IRS1: variants seen among roughly 807,000 people sequenced by gnomAD.
IRS1 encodes the protein insulin receptor substrate 1.
In IRS1, 34 loss-of-function variants were observed where a neutral mutation model predicts 65.6. The observed-to-expected ratio is 0.52, with a 90% confidence interval of 0.39 to 0.69. The LOEUF is 0.69. Among genes scored for constraint, IRS1 ranks in the 30% least tolerant of loss-of-function variants. The pLI is 0.00. For synonymous variants in IRS1, 699 were observed against 683.5 expected (o/e 1.02, Z -0.35); for missense variants, 1,641 against 1,720.2 (o/e 0.95, Z 0.81).
At chr2:226,743,170 C>G (rs1270693303) in intron 1 of IRS1, among the ~76,000 whole-genome samples, 1 of 138,470 alleles carries the variant, frequency 7.2e-6, no homozygotes, top group Non-Finnish European at 1.6e-5. Flanking sequence ...GAAAAAAAAA[C>G]AAAAAAAAAA....
rs1938282768 is a variant in IRS1 at position 226,734,206 on chromosome 2, T to A, written c.*2066A>T. 3.3e-5 allele frequency: 5 copies of A among 152,314 alleles called. No individual in the cohort carries two copies. In the South Asian group the frequency reaches 1.0e-3, roughly 32 times the overall value. 9.4% of individuals were successfully genotyped at this position (152,314 alleles called of 1,614,324 possible). ...GTTAGTTTGACTAAGAAAGTCTTTT[T>A]TTACAAGAGTAAAAAACAACTTTCA... is the stretch of plus-strand genomic sequence containing the variant. On this transcript the variant is annotated 3_prime_UTR_variant, in exon 2 of 2. Transcript: ENST00000305123.
At chr2:226,780,591 G>C (rs1049332131) in intron 1 of IRS1, among the ~76,000 whole-genome samples, 2 of 152,124 alleles carry the variant, frequency 1.3e-5, no homozygotes, top group Non-Finnish European at 2.9e-5. Context: ...ATGAGCTACT[G>C]TTGGAAGCAC....
chr2:226,791,237 G>A (rs1048298768), intron 1 of IRS1, among the ~76,000 whole-genome samples: 1 of 152,114 alleles, frequency 6.6e-6, no homozygotes, highest in Non-Finnish European at 1.5e-5. Flanking sequence ...TTGGTTGAGG[G>A]GGGCGGGCAG....
At position 226,796,340 on chromosome 2, in the gene IRS1, T is replaced by C. The variant is rs1939724055; in HGVS notation, c.2399A>G (p.Tyr800Cys). 8 of 1,613,222 alleles carry C rather than the reference T, an allele frequency of 5.0e-6. No homozygotes were observed. The highest frequency in any genetic ancestry group is 6.8e-6 in the Non-Finnish European group (8 of 1,180,028). ...GGAAGAATCATCTGCTGTTGCAGCATAGAGAAGGCGACCAGAGCTAGTGGA... is the reference window on the plus strand; with the variant it reads ...GGAAGAATCATCTGCTGTTGCAGCACAGAGAAGGCGACCAGAGCTAGTGGA... ...RLSTSSGRLL[Y>C]AATADDSSSS... The change falls in exon 1 of 2, where the codon TAT (tyrosine) becomes TGT (cysteine). Residue 800 changes from tyrosine to cysteine, a missense_variant. Coordinates refer to ENST00000305123, the MANE Select transcript of IRS1 (RefSeq NM_005544.3).
At chr2:226,741,028 C>T (rs572527043) in intron 1 of IRS1, among the ~76,000 whole-genome samples, 1 of 151,584 alleles carries the variant, frequency 6.6e-6, no homozygotes, top group African/African-American at 2.4e-5. Context: ...GAATATAATA[C>T]AGAAAATGTA....
intron 1 of IRS1, among the ~76,000 whole-genome samples, chr2:226,737,112 T>C (rs1938340718): frequency 9.1e-6 from 1 of 110,286 alleles, no homozygotes; most frequent in Non-Finnish European, 1.7e-5. Flanking sequence ...CCCACAACAG[T>C]CCCCAGAGTG....
chr2:226,797,716 C>A lies in IRS1; in HGVS notation c.1023G>T (p.Ser341=). Residue 341 remains serine (S), a synonymous_variant, in exon 1 of 2, where the codon TCG becomes TCT. Coordinates refer to ENST00000305123, the MANE Select transcript of IRS1 (RefSeq NM_005544.3). The surrounding 1 kb of genome is among the most constrained non-coding windows in gnomAD (Gnocchi z 8.1). Reference sequence around the variant, plus strand: ...TGGGACTCACAGGGCTGCCGTCCACCGAGGCTGGGCGGGACATGGTGCCTT... The same window carrying A: ...TGGGACTCACAGGGCTGCCGTCCACAGAGGCTGGGCGGGACATGGTGCCTT... The part of the protein sequence containing the change: ...DGEGTMSRPA[S]VDGSPVSPST... 6.3e-7 allele frequency: 1 copy of A among 1,597,784 alleles called. No individual in the cohort carries two copies. Among genetic ancestry groups the A allele is most frequent in the African/African-American group, 1.3e-5 (1 of 74,990 alleles).
chr2:226,777,469 T>C (rs1220031737), intron 1 of IRS1, among the ~76,000 whole-genome samples: 1 of 152,234 alleles, frequency 6.6e-6, no homozygotes, highest in Non-Finnish European at 1.5e-5. Context: ...CTGTATTTGA[T>C]GAATTATTGT....
chr2:226,790,360 T>G (rs760459429), intron 1 of IRS1, among the ~76,000 whole-genome samples: 11 of 151,578 alleles, frequency 7.3e-5, no homozygotes, highest in Non-Finnish European at 1.2e-4. Flanking sequence ...TGGCATGCCC[T>G]TTGGATCCCA....
At chr2:226,757,204 G>C (rs1162985663) in intron 1 of IRS1, among the ~76,000 whole-genome samples, 2 of 152,174 alleles carry the variant, frequency 1.3e-5, no homozygotes, top group South Asian at 2.1e-4. Flanking sequence ...CACTAAGCAA[G>C]AAGCTTTCAC....
At chr2:226,737,730 G>A (rs1938356127) in intron 1 of IRS1, among the ~76,000 whole-genome samples, 1 of 152,178 alleles carries the variant, frequency 6.6e-6, no homozygotes, top group African/African-American at 2.4e-5. Context: ...CCAGCTAGGG[G>A]TGTAAGGGGA....
At position 226,799,603 on chromosome 2, in the gene IRS1, T is replaced by C. The variant is rs1939849992; in HGVS notation, c.-865A>G. ...GGGATGGGGGAGGTTTGGGAAGGGTTCGGGGAAGACGCCTGTTCCTCGGGA... is the reference window on the plus strand; with the variant it reads ...GGGATGGGGGAGGTTTGGGAAGGGTCCGGGGAAGACGCCTGTTCCTCGGGA... On this transcript the variant is annotated 5_prime_UTR_variant, in exon 1 of 2. Coordinates refer to ENST00000305123, the MANE Select transcript of IRS1 (RefSeq NM_005544.3). The surrounding 1 kb of genome is among the most constrained non-coding windows in gnomAD (Gnocchi z 6.1). 1 of 1,011,140 alleles carries C rather than the reference T, an allele frequency of 9.9e-7. No homozygotes were observed. The highest frequency in any genetic ancestry group is 1.2e-6 in the Non-Finnish European group (1 of 836,934). 62.6% of individuals were successfully genotyped at this position (1,011,140 alleles called of 1,614,324 possible).
Position 226,795,603 on chromosome 2 carries a change from C to T in IRS1, c.3136G>A (p.Gly1046Arg). The T allele has an allele frequency of 6.2e-7, 1 of 1,612,530 alleles. No homozygotes were observed. The highest frequency in any genetic ancestry group is 8.5e-7 in the Non-Finnish European group (1 of 1,179,714). Residue 1046 changes from glycine to arginine, a missense_variant, in exon 1 of 2, where the codon GGG becomes AGG. Transcript: ENST00000305123. ...GCCAGCTCTGCTGCCCCTTGAGGCCCAGTCGGGGAAGCAGAGGCTGCTGAG... is the reference window on the plus strand; with the variant it reads ...GCCAGCTCTGCTGCCCCTTGAGGCCTAGTCGGGGAAGCAGAGGCTGCTGAG... The part of the protein sequence containing the change: ...SSSAASASPT[G>R]PQGAAELAAH...
Position 226,797,716 on chromosome 2 carries a change from C to T in IRS1, c.1023G>A (p.Ser341=). Residue 341 remains serine (S), a synonymous_variant, in exon 1 of 2, where the codon TCG becomes TCA. Coordinates refer to ENST00000305123, the MANE Select transcript of IRS1 (RefSeq NM_005544.3). The surrounding 1 kb of genome is among the most constrained non-coding windows in gnomAD (Gnocchi z 8.1). ...DGEGTMSRPA[S]VDGSPVSPST... ...TGGGACTCACAGGGCTGCCGTCCAC[C>T]GAGGCTGGGCGGGACATGGTGCCTT... 6.3e-7 allele frequency: 1 copy of T among 1,597,784 alleles called. No individual in the cohort carries two copies. The highest frequency in any genetic ancestry group is 8.5e-7 in the Non-Finnish European group (1 of 1,178,734).
chr2:226,776,786 A>T (rs1285845342), intron 1 of IRS1, among the ~76,000 whole-genome samples: 1 of 152,170 alleles, frequency 6.6e-6, no homozygotes, highest in Non-Finnish European at 1.5e-5. Flanking sequence ...GCACACCCAT[A>T]ATCCCAACTA....
intron 1 of IRS1, among the ~76,000 whole-genome samples, chr2:226,754,174 TA>T (rs1938746411): frequency 6.6e-6 from 1 of 152,208 alleles, no homozygotes; most frequent in Admixed American, 6.5e-5. Context: ...ACAAATTAAA[TA>T]TCTCTACTAA....
rs546373334 is a variant in IRS1 at position 226,797,359 on chromosome 2, C to G, written c.1380G>C (p.Glu460Asp). 22 of 1,613,230 alleles carry G rather than the reference C, an allele frequency of 1.4e-5. No homozygotes were observed. In the East Asian group the frequency reaches 4.9e-4, roughly 36 times the overall value. Residue 460 changes from glutamate (E) to aspartate (D), a missense_variant, in exon 1 of 2, where the codon GAG (glutamate) becomes GAC (aspartate). Physicochemically the swap from Glu to Asp is conservative, Grantham distance 45. This residue lies in a region of IRS1 where 1,324 missense variants were observed against 1,361.0 expected (regional missense o/e 0.97). Coordinates refer to ENST00000305123, the MANE Select transcript of IRS1 (RefSeq NM_005544.3). This position sits in a 1 kb window ranked among gnomAD's most constrained non-coding sequence, Gnocchi z 8.1. ...CCATGCAGATATAGTTGCTTAGCTC[C>G]TCCTCACCGCGGGCTGGTGGGGTGT... The part of the protein sequence containing the change: ...LGHTPPARGE[E>D]ELSNYICMGG...
In IRS1 at chr2:226,783,079, C is replaced by T. The variant is rs894447375; in HGVS notation, c.*21+11910G>A. On this transcript the variant is annotated intron_variant, in intron 1 of 1. Coordinates refer to ENST00000305123, the MANE Select transcript of IRS1 (RefSeq NM_005544.3). Reference sequence around the variant, plus strand: ...GAACAAATAGTATATTTTCACCATCCACCAATGGCACTAAAAATAGAGACA... The same window carrying T: ...GAACAAATAGTATATTTTCACCATCTACCAATGGCACTAAAAATAGAGACA... Among the ~76,000 whole-genome samples the T allele has an allele frequency of 6.6e-4, 100 of 152,174 alleles. 1 individual carries two copies. The highest frequency in any genetic ancestry group is 3.2e-3 in the Middle Eastern group (1 of 316).
chr2:226,795,600 GC>G lies in IRS1; in HGVS notation c.3138del (p.Pro1047LeufsTer23). On this transcript the variant is annotated frameshift_variant, in exon 1 of 2. Coordinates refer to ENST00000305123, the MANE Select transcript of IRS1 (RefSeq NM_005544.3). LOFTEE classifies it high-confidence loss of function. The part of the protein sequence containing the change: ...SSSAASASPT[G>X]PQGAAELAAH... ...GCAGCCAGCTCTGCTGCCCCTTGAG[GC>G]CCAGTCGGGGAAGCAGAGGCTGCTG... The G allele has an allele frequency of 6.2e-7, 1 of 1,612,574 alleles. No individual in the cohort carries two copies. The highest frequency in any genetic ancestry group is 1.1e-5 in the South Asian group (1 of 91,074).
Sources: gnomAD v4.1 joint callset for allele counts (sites outside exome capture counted in the v4.1 genomes callset) on GRCh38, gnomAD v4.1.1 for gene constraint, gnomAD v4.1.1 regional missense constraint, Gnocchi (gnomAD v3.1) non-coding constraint, MANE v1.5 for transcripts, NCBI Gene and HGNC (gene_info 2026-07-23, HGNC 2026-07-21) for gene names.